The following ANKS1B variants were observed in gnomAD, a reference collection of about 807,000 sequenced individuals.
The protein encoded by ANKS1B is ankyrin repeat and sterile alpha motif domain-containing protein 1B.
In ANKS1B, 36 loss-of-function variants were observed where a neutral mutation model predicts 148.3. That is an observed-to-expected ratio of 0.24 (90% confidence interval 0.19 to 0.32). The LOEUF (loss-of-function observed/expected upper bound fraction) is 0.32, where lower values mean the gene tolerates loss of function less well. Among genes scored for constraint, ANKS1B ranks in the 10% least tolerant of loss-of-function variants. The pLI is 1.00. For missense variants in ANKS1B, 1,157 were observed against 1,542.6 expected (o/e 0.75, Z 4.19); for synonymous variants, 542 against 560.8 (o/e 0.97, Z 0.47).
At chr12:99,160,005 T>G (rs932855738) in intron 14 of ANKS1B, among the ~76,000 whole-genome samples, 6 of 152,248 alleles carry the variant, frequency 3.9e-5, no homozygotes, top group African/African-American at 1.4e-4. Flanking sequence ...CGTATGTTTG[T>G]TGGCCACTTG....
At chr12:98,819,556 A>C (rs970536729) in intron 19 of ANKS1B, among the ~76,000 whole-genome samples, 1 of 152,354 alleles carries the variant, frequency 6.6e-6, no homozygotes, top group South Asian at 2.1e-4. Context: ...GGCAAAAGTT[A>C]TATCAACTAG....
intron 11 of ANKS1B, among the ~76,000 whole-genome samples, chr12:99,432,799 C>T (rs79221930): frequency 0.017 from 2,515 of 152,174 alleles, 23 homozygotes; most frequent in Non-Finnish European, 0.027. Flanking sequence ...TACAAAGAAC[C>T]TAAGGCAGGA....
intron 14 of ANKS1B, among the ~76,000 whole-genome samples, chr12:99,222,507 T>C (rs1214821792): frequency 3.9e-5 from 6 of 152,154 alleles, no homozygotes; most frequent in Non-Finnish European, 1.5e-5. Flanking sequence ...TCCCAGTTAC[T>C]TGGGAGGCTG....
chr12:99,971,419 G>A (rs1421465777), intron 1 of ANKS1B, among the ~76,000 whole-genome samples: 5 of 152,044 alleles, frequency 3.3e-5, no homozygotes, highest in African/African-American at 7.2e-5. Flanking sequence ...TGCCATCTCC[G>A]CACTAGCAGT....
intron 1 of ANKS1B, among the ~76,000 whole-genome samples, chr12:99,838,135 T>C (rs2085141214): frequency 6.6e-6 from 1 of 152,198 alleles, no homozygotes; most frequent in African/African-American, 2.4e-5. Context: ...TAGTATCCCA[T>C]TGTGTATGTG....
chr12:98,965,412 T>G (rs2099876986), intron 17 of ANKS1B, among the ~76,000 whole-genome samples: 1 of 152,208 alleles, frequency 6.6e-6, no homozygotes, highest in East Asian at 1.9e-4. Flanking sequence ...TCACTTATTT[T>G]TATTTTTGGG....
At chr12:99,908,597 A>T (rs1236081903) in intron 1 of ANKS1B, among the ~76,000 whole-genome samples, 2 of 152,082 alleles carry the variant, frequency 1.3e-5, no homozygotes, top group Non-Finnish European at 2.9e-5. Flanking sequence ...AAGAAAGAAA[A>T]ATTAATTAAG....
chr12:98,800,624 TAA>T lies in ANKS1B; in HGVS notation c.3270+371_3270+372del, dbSNP rs200354550. ...CAGTGAAAAGAATCTGGTATTTACA[TAA>T]AGTGGCAGACCCAGTGTTTTGAGAC... On this transcript the variant is annotated intron_variant, in intron 21 of 26. Coordinates refer to ENST00000683438, the MANE Select transcript of ANKS1B (RefSeq NM_001352186.2). 4.3e-3 allele frequency among the ~76,000 whole-genome samples: 636 copies of T among 147,706 alleles called. 7 individuals carry two copies. The highest frequency in any genetic ancestry group is 0.015 in the African/African-American group (605 of 39,378).
At chr12:99,597,761 A>C (rs1209817798) in intron 9 of ANKS1B, among the ~76,000 whole-genome samples, 1 of 152,068 alleles carries the variant, frequency 6.6e-6, no homozygotes, top group Non-Finnish European at 1.5e-5. Flanking sequence ...GACTTTCAAA[A>C]ACATCGAATG....
chr12:99,068,543 A>G (rs2045247306), intron 16 of ANKS1B, among the ~76,000 whole-genome samples: 1 of 152,216 alleles, frequency 6.6e-6, no homozygotes, highest in Admixed American at 6.5e-5. Context: ...GCCAGTTTTT[A>G]TAAGTTCTAG....
At chr12:99,376,710 C>T (rs1247572258) in intron 12 of ANKS1B, among the ~76,000 whole-genome samples, 1 of 152,300 alleles carries the variant, frequency 6.6e-6, no homozygotes, top group South Asian at 2.1e-4. Context: ...AACACTAAAT[C>T]GCACATGGAT....
chr12:99,291,324 C>T (rs980445111), intron 12 of ANKS1B, among the ~76,000 whole-genome samples: 19 of 152,046 alleles, frequency 1.2e-4, no homozygotes, highest in Admixed American at 1.1e-3. Flanking sequence ...CTAACCAAAG[C>T]TATGTGCAGA....
At chr12:99,826,368 T>C (rs1162238344) in intron 1 of ANKS1B, among the ~76,000 whole-genome samples, 2 of 152,146 alleles carry the variant, frequency 1.3e-5, no homozygotes, top group African/African-American at 4.8e-5. Context: ...AGAGAATGAA[T>C]AGCTATTCCA....
At chr12:98,805,438 T>C (rs1019924021) in intron 20 of ANKS1B, among the ~76,000 whole-genome samples, 4 of 152,196 alleles carry the variant, frequency 2.6e-5, no homozygotes, top group Admixed American at 1.3e-4. Flanking sequence ...CATTAGAATT[T>C]TAAATGGAGA....
intron 10 of ANKS1B, among the ~76,000 whole-genome samples, chr12:99,478,967 A>G (rs2096368793): frequency 6.6e-6 from 1 of 152,022 alleles, no homozygotes; most frequent in Non-Finnish European, 1.5e-5. Context: ...ATTTGACCCA[A>G]TTTACTTAAA....
intron 23 of ANKS1B, 115 bp downstream of exon 23, chr12:98,782,011 T>C (rs567349853): frequency 4.5e-4 from 394 of 882,524 alleles, no homozygotes; most frequent in Non-Finnish European, 6.3e-4. Flanking sequence ...TATAATTTAG[T>C]ATGTGCCTTT....
At chr12:99,216,066 G>T (rs535086979) in intron 14 of ANKS1B, among the ~76,000 whole-genome samples, 2 of 152,290 alleles carry the variant, frequency 1.3e-5, no homozygotes, top group East Asian at 1.9e-4. Flanking sequence ...CTGTTCTCAT[G>T]ATAGTGAATA....
intron 9 of ANKS1B, among the ~76,000 whole-genome samples, chr12:99,565,753 T>G (rs2097384644): frequency 1.3e-5 from 2 of 152,306 alleles, no homozygotes; most frequent in Non-Finnish European, 2.9e-5. Context: ...GTCTCTGACC[T>G]TTTTAGATGA....
At chr12:99,374,336 T>C (rs370127501) in intron 12 of ANKS1B, among the ~76,000 whole-genome samples, 1 of 152,160 alleles carries the variant, frequency 6.6e-6, no homozygotes, top group African/African-American at 2.4e-5. Context: ...CTGGATGGAT[T>C]TTCTCTGGGT....
Sources: allele counts gnomAD v4.1 joint callset (sites outside exome capture counted in the v4.1 genomes callset), GRCh38; gene constraint gnomAD v4.1.1; transcripts MANE v1.5; gene names NCBI Gene and HGNC (gene_info 2026-07-23, HGNC 2026-07-21).